SLC29A3: variants seen among roughly 807,000 people sequenced by gnomAD.
SLC29A3 encodes equilibrative nucleoside transporter 3.
In SLC29A3, 18 loss-of-function variants were observed where a neutral mutation model predicts 25.4. The ratio of observed to expected loss-of-function variants is 0.71; its 90% CI spans 0.49 to 1.05. The LOEUF is 1.05. Ranked by LOEUF, SLC29A3 falls within the 50% of genes least tolerant of loss-of-function variation. SLC29A3 has a pLI of 0.00. For synonymous variants in SLC29A3, 258 were observed against 267.1 expected, an observed-to-expected ratio of 0.97 and a Z score of 0.33; for missense variants, 586 against 609.0, an observed-to-expected ratio of 0.96 and a Z score of 0.40.
In SLC29A3 at chr10:71,337,993, G is replaced by A. The variant is rs188094759; in HGVS notation, c.301-6216G>A. ...AAATGAGTTTCCTTCTCACCATAGC[G>A]AGCAACTCAAGTGCCCCCCTGCCCA... On this transcript the variant is annotated intron_variant, in intron 2 of 5. Coordinates refer to ENST00000373189, the MANE Select transcript of SLC29A3 (RefSeq NM_018344.6). 5.9e-5 allele frequency among the ~76,000 whole-genome samples: 9 copies of A among 152,290 alleles called. No individual in the cohort carries two copies. In the East Asian group the frequency reaches 1.4e-3, roughly 23 times the overall value.
intron 1 of SLC29A3, among the ~76,000 whole-genome samples, chr10:71,322,527 G>C (rs150311154): frequency 1.3e-5 from 2 of 152,182 alleles, no homozygotes; most frequent in African/African-American, 4.8e-5. Flanking sequence ...CATGGTTGGG[G>C]TGACCTCTGA....
intron 1 of SLC29A3, among the ~76,000 whole-genome samples, chr10:71,320,866 A>G (rs1019949619): frequency 2.6e-5 from 4 of 152,200 alleles, no homozygotes; most frequent in Non-Finnish European, 5.9e-5. Flanking sequence ...GGATGCCTGT[A>G]CTTGGAACCA....
At chr10:71,369,885 T>C (rs1589247463) in intron 3 of SLC29A3, among the ~76,000 whole-genome samples, 1 of 152,230 alleles carries the variant, frequency 6.6e-6, no homozygotes. Context: ...GTCTTTCCTC[T>C]TCACCCTGCT....
chr10:71,326,657 G>C (rs1299900874), intron 2 of SLC29A3, among the ~76,000 whole-genome samples: 1 of 152,228 alleles, frequency 6.6e-6, no homozygotes, highest in African/African-American at 2.4e-5. Flanking sequence ...GGAGGGAGGG[G>C]TGTCCAGGCC....
intron 5 of SLC29A3, among the ~76,000 whole-genome samples, chr10:71,361,333 C>T (rs530029752): frequency 1.3e-5 from 2 of 151,592 alleles, no homozygotes; most frequent in African/African-American, 2.4e-5. Flanking sequence ...TTATTATTAT[C>T]GTCATTTTTG....
At chr10:71,337,564 C>T (rs551759582) in intron 2 of SLC29A3, among the ~76,000 whole-genome samples, 120 of 152,342 alleles carry the variant, frequency 7.9e-4, no homozygotes, top group Non-Finnish European at 1.3e-3. Flanking sequence ...CTGCTGCTTC[C>T]TGGAGGTGGG....
chr10:71,370,078 T>C (rs1039080461), intron 3 of SLC29A3, among the ~76,000 whole-genome samples: 1 of 152,106 alleles, frequency 6.6e-6, no homozygotes, highest in East Asian at 1.9e-4. Flanking sequence ...CACTGATGGG[T>C]CACTGGTCAT....
chr10:71,348,454 G>A (rs1414687050), intron 3 of SLC29A3, among the ~76,000 whole-genome samples: 2 of 152,148 alleles, frequency 1.3e-5, no homozygotes, highest in African/African-American at 2.4e-5. Context: ...GGGGTTACAC[G>A]GAGAGCCGAT....
rs886047119 is a variant in SLC29A3, at chr10:71,363,165, A to C, written c.*557A>C. On this transcript the variant is annotated 3_prime_UTR_variant, in exon 6 of 6. Coordinates refer to ENST00000373189, the MANE Select transcript of SLC29A3 (RefSeq NM_018344.6). ...AACTGCCCACTAACCAGACTGGAAA[A>C]CCCAGAAAGATGGGCCTTCCATGAA... The C allele has an allele frequency of 4.5e-6, 2 of 443,970 alleles. No homozygotes were observed. The highest frequency in any genetic ancestry group is 4.5e-6 in the Non-Finnish European group (1 of 221,750). The allele number at this position is 443,970 out of a possible 1,614,324, so 27.5% of individuals were successfully genotyped here. A position where few individuals can be genotyped will look rare whatever the true frequency, so the allele number is the denominator to read the frequency against.
intron 2 of SLC29A3, among the ~76,000 whole-genome samples, chr10:71,339,985 G>T (rs1846356648): frequency 6.6e-6 from 1 of 152,198 alleles, no homozygotes; most frequent in South Asian, 2.1e-4. Flanking sequence ...TGGCACACGG[G>T]CTTGACACCT....
intron 2 of SLC29A3, among the ~76,000 whole-genome samples, chr10:71,331,269 A>T (rs899348757): frequency 6.6e-6 from 1 of 152,222 alleles, no homozygotes; most frequent in Admixed American, 6.5e-5. Flanking sequence ...GTGCAGGTTC[A>T]TGGTGACCTT....
At chr10:71,344,727 G>C (rs750906278) in intron 3 of SLC29A3, among the ~76,000 whole-genome samples, 3 of 152,232 alleles carry the variant, frequency 2.0e-5, no homozygotes, top group African/African-American at 7.2e-5. Flanking sequence ...TAAGGGCCAC[G>C]AGAGGCTCCA....
intron 4 of SLC29A3, 41 bp downstream of exon 4, chr10:71,351,829 C>T (rs1275504385): frequency 1.3e-6 from 2 of 1,554,806 alleles, no homozygotes; most frequent in Non-Finnish European, 8.7e-7. Flanking sequence ...GTTCATCCAC[C>T]CAGGAGTCAT....
At chr10:71,344,057 G>T (rs950771831) in intron 2 of SLC29A3, 152 bp from the exon 3 acceptor site, 4 of 710,986 alleles carry the variant, frequency 5.6e-6, no homozygotes, top group East Asian at 2.6e-5. Flanking sequence ...ATGGGGTGGG[G>T]CCTTGTTTGG....
At position 71,375,576 on chromosome 10, in the gene SLC29A3, A is replaced by T. The variant is rs188126821; in HGVS notation, c.*95-119A>T. On this transcript the variant is annotated intron_variant and NMD_transcript_variant, in intron 3 of 4. Coordinates refer to the SLC29A3 transcript ENST00000642772. ...GGTGATAGTGGTTTTCCATTAAAGT[A>T]ATGACATACAGATTTTAAAAGTAAA... The T allele has an allele frequency of 4.6e-5, 7 of 152,360 alleles. No individual in the cohort carries two copies. In the East Asian group the frequency reaches 1.3e-3, roughly 29 times the overall value. The allele number at this position is 152,360 out of a possible 1,614,324, so 9.4% of individuals were successfully genotyped here.
chr10:71,335,293 C>T (rs189480184), intron 2 of SLC29A3, among the ~76,000 whole-genome samples: 8 of 152,304 alleles, frequency 5.3e-5, no homozygotes, highest in Admixed American at 3.3e-4. Context: ...TGAGACCACC[C>T]GCGAATCGGC....
At chr10:71,332,998 C>T (rs1279026506) in intron 2 of SLC29A3, among the ~76,000 whole-genome samples, 2 of 152,226 alleles carry the variant, frequency 1.3e-5, no homozygotes, top group Admixed American at 6.5e-5. Flanking sequence ...TCTCTGCCTT[C>T]GATTTTATTT....
At chr10:71,342,415 T>C (rs1157846432) in intron 2 of SLC29A3, among the ~76,000 whole-genome samples, 1 of 152,230 alleles carries the variant, frequency 6.6e-6, no homozygotes, top group African/African-American at 2.4e-5. Flanking sequence ...CAGAGTCTTA[T>C]CCAGTGGTCA....
chr10:71,339,860 GC>G (rs972524032), intron 2 of SLC29A3, among the ~76,000 whole-genome samples: 4 of 151,478 alleles, frequency 2.6e-5, no homozygotes, highest in Admixed American at 2.6e-4. Flanking sequence ...CTCCTTCCAT[GC>G]CCCCCAACAC....
Sources: allele counts gnomAD v4.1 joint callset (sites outside exome capture counted in the v4.1 genomes callset), GRCh38; gene constraint gnomAD v4.1.1; transcripts MANE v1.5; gene names NCBI Gene and HGNC (gene_info 2026-07-23, HGNC 2026-07-21).